TMEFF2: variants seen among roughly 807,000 people sequenced by gnomAD.
TMEFF2 encodes the protein tomoregulin-2.
In TMEFF2, 28 loss-of-function variants were observed where a neutral mutation model predicts 53.8. The observed-to-expected ratio is 0.52, with a 90% confidence interval of 0.39 to 0.71. The LOEUF (loss-of-function observed/expected upper bound fraction) is 0.71, where lower values mean the gene tolerates loss of function less well. Ranked by LOEUF, TMEFF2 falls within the 30% of genes least tolerant of loss-of-function variation. TMEFF2 has a pLI of 0.00. For synonymous variants in TMEFF2, 162 were observed against 166.3 expected, an observed-to-expected ratio of 0.97 and a Z score of 0.20; for missense variants, 353 against 455.2, an observed-to-expected ratio of 0.78 and a Z score of 2.04.
intron 5 of TMEFF2, among the ~76,000 whole-genome samples, chr2:192,020,537 GAGTA>G (rs1410713892): frequency 6.6e-6 from 1 of 151,984 alleles, no homozygotes; most frequent in Non-Finnish European, 1.5e-5. Context: ...TGAGAATCAG[GAGTA>G]AGTATGATGA....
At chr2:192,010,552 T>C (rs1388985083) in intron 5 of TMEFF2, among the ~76,000 whole-genome samples, 1 of 152,026 alleles carries the variant, frequency 6.6e-6, no homozygotes, top group East Asian at 1.9e-4. Flanking sequence ...GGCATATACC[T>C]TTTAGTTTAC....
chr2:192,104,500 C>T (rs558935038), intron 4 of TMEFF2, among the ~76,000 whole-genome samples: 29 of 152,148 alleles, frequency 1.9e-4, no homozygotes, highest in African/African-American at 7.0e-4. Flanking sequence ...ACTCATATTG[C>T]AATATATGAA....
chr2:192,034,611 T>C (rs1186610720), intron 5 of TMEFF2: 1 of 152,240 alleles, frequency 6.6e-6, no homozygotes, highest in Non-Finnish European at 1.5e-5. Flanking sequence ...TCAAGCATTT[T>C]ACTCTCTCCT....
intron 6 of TMEFF2, 124 bp downstream of exon 6, chr2:191,998,936 C>A: frequency 1.1e-6 from 1 of 951,266 alleles, no homozygotes. Flanking sequence ...ACTCTACTAT[C>A]CATTGTAAAT....
At chr2:192,129,422 T>A (rs1574398689) in intron 4 of TMEFF2, among the ~76,000 whole-genome samples, 1 of 151,040 alleles carries the variant, frequency 6.6e-6, no homozygotes, top group South Asian at 2.1e-4. Context: ...GACCATGATG[T>A]ACATAGTTTT....
intron 4 of TMEFF2, among the ~76,000 whole-genome samples, chr2:192,082,614 ATGTT>A (rs1688579057): frequency 6.6e-6 from 1 of 152,162 alleles, no homozygotes; most frequent in African/African-American, 2.4e-5. Flanking sequence ...TTCTATATGT[ATGTT>A]TGTTAACTAT....
chr2:192,132,961 G>A (rs944024938), intron 4 of TMEFF2, among the ~76,000 whole-genome samples: 5 of 152,102 alleles, frequency 3.3e-5, no homozygotes, highest in African/African-American at 1.2e-4. Context: ...CTCTCACAGT[G>A]GAAAGTAAGT....
intron 5 of TMEFF2, among the ~76,000 whole-genome samples, chr2:192,030,947 T>C (rs978912144): frequency 6.6e-6 from 1 of 152,064 alleles, no homozygotes; most frequent in Non-Finnish European, 1.5e-5. Context: ...ATGGGTTAAA[T>C]TGGGACATAC....
intron 4 of TMEFF2, among the ~76,000 whole-genome samples, chr2:192,174,811 G>A (rs1690999390): frequency 6.6e-6 from 1 of 151,576 alleles, no homozygotes; most frequent in African/African-American, 2.4e-5. Flanking sequence ...TTGGTGGGGG[G>A]AACAAAACAT....
chr2:191,997,001 A>G (rs1474041318), intron 7 of TMEFF2, among the ~76,000 whole-genome samples: 1 of 152,002 alleles, frequency 6.6e-6, no homozygotes, highest in South Asian at 2.1e-4. Context: ...TAAAAGATGT[A>G]TGTCTCTTAA....
chr2:192,188,519 G>C (rs1049404506), intron 2 of TMEFF2, among the ~76,000 whole-genome samples: 1 of 152,198 alleles, frequency 6.6e-6, no homozygotes, highest in African/African-American at 2.4e-5. Flanking sequence ...TTTCGATTAA[G>C]CCCTACCAAA....
chr2:192,089,028 C>T (rs778776335), intron 4 of TMEFF2, among the ~76,000 whole-genome samples: 25 of 152,036 alleles, frequency 1.6e-4, no homozygotes, highest in Non-Finnish European at 2.8e-4. Context: ...AAGCCACTTT[C>T]CATAGGAGGT....
chr2:191,998,226 AAG>A, intron 7 of TMEFF2, 34 bp downstream of exon 7: 1 of 1,505,194 alleles, frequency 6.6e-7, no homozygotes, highest in Non-Finnish European at 9.1e-7. Flanking sequence ...CTTTTAATAG[AAG>A]AGCTCACATT....
Position 191,998,402 on chromosome 2 carries a change from A to G in TMEFF2, c.686-81T>C, listed in dbSNP as rs370054857. ...TCAAACTTATATATTTCCTCCAACAATATCTTCATTGCAATTAAGGAATTT... is the reference window on the plus strand; with the variant it reads ...TCAAACTTATATATTTCCTCCAACAGTATCTTCATTGCAATTAAGGAATTT... On this transcript the variant is annotated intron_variant, in intron 6 of 9. Transcript: ENST00000272771. 1.2e-5 allele frequency: 12 copies of G among 1,031,436 alleles called. No individual in the cohort carries two copies. The East Asian group carries it at 1.6e-4, about 13-fold the overall frequency. 63.9% of individuals were successfully genotyped at this position (1,031,436 alleles called of 1,614,324 possible).
At chr2:191,979,354 C>G (rs921273002) in intron 7 of TMEFF2, among the ~76,000 whole-genome samples, 1 of 152,136 alleles carries the variant, frequency 6.6e-6, no homozygotes, top group Non-Finnish European at 1.5e-5. Context: ...CCAGCTGATT[C>G]ATTTCTATTG....
At chr2:192,130,513 A>G (rs759313969) in intron 4 of TMEFF2, among the ~76,000 whole-genome samples, 1 of 152,078 alleles carries the variant, frequency 6.6e-6, no homozygotes, top group Non-Finnish European at 1.5e-5. Context: ...TTGACTGATG[A>G]CACTCCACCA....
chr2:191,962,054 C>T (rs948554154), intron 7 of TMEFF2, among the ~76,000 whole-genome samples: 1 of 152,074 alleles, frequency 6.6e-6, no homozygotes, highest in Non-Finnish European at 1.5e-5. Flanking sequence ...GAGCAGAGAC[C>T]CAGTCATAAC....
chr2:191,987,353 T>C (rs990599209), intron 7 of TMEFF2, among the ~76,000 whole-genome samples: 1 of 152,140 alleles, frequency 6.6e-6, no homozygotes, highest in Non-Finnish European at 1.5e-5. Context: ...TAAAGCTATA[T>C]ACTTTGTTAT....
At chr2:192,004,154 A>G (rs1422803921) in intron 5 of TMEFF2, among the ~76,000 whole-genome samples, 1 of 152,142 alleles carries the variant, frequency 6.6e-6, no homozygotes, top group Admixed American at 6.5e-5. Flanking sequence ...GAAAATATTC[A>G]TTGTGCTATA....
Sources: gnomAD v4.1 joint callset for allele counts (sites outside exome capture counted in the v4.1 genomes callset) on GRCh38, gnomAD v4.1.1 for gene constraint, MANE v1.5 for transcripts, NCBI Gene and HGNC (gene_info 2026-07-23, HGNC 2026-07-21) for gene names.